DAW1: variants seen among roughly 807,000 people sequenced by gnomAD.
DAW1 encodes the protein dynein assembly factor with WD repeats 1, also known as dynein assembly factor with WD repeat domains 1.
A neutral mutation model predicts 56.5 loss-of-function variants in DAW1; 47 were observed. That is an observed-to-expected ratio of 0.83 (90% confidence interval 0.66 to 1.06). DAW1 has a LOEUF of 1.06. DAW1 is among the 50% of genes least tolerant of loss of function. DAW1 has a pLI of 0.00. For missense variants in DAW1, 505 were observed against 499.3 expected (o/e 1.01, Z -0.11); for synonymous variants, 190 against 179.0 (o/e 1.06, Z -0.49).
At chr2:227,900,030 A>G (rs972698709) in intron 6 of DAW1, among the ~76,000 whole-genome samples, 8 of 152,248 alleles carry the variant, frequency 5.3e-5, no homozygotes, top group African/African-American at 1.9e-4. Context: ...TGTTGAAGTT[A>G]CTTTGCTAGT....
chr2:227,896,770 G>A (rs1473122169), intron 5 of DAW1, among the ~76,000 whole-genome samples: 1 of 152,036 alleles, frequency 6.6e-6, no homozygotes, highest in Non-Finnish European at 1.5e-5. Flanking sequence ...ATAATGTGGT[G>A]TCATGTGGAT....
intron 1 of DAW1, among the ~76,000 whole-genome samples, chr2:227,879,291 A>T (rs908159227): frequency 6.6e-6 from 1 of 152,252 alleles, no homozygotes; most frequent in Admixed American, 6.5e-5. Context: ...TAAAACTTAC[A>T]TCTATTTTGT....
chr2:227,874,224 A>G (rs1450479719), intron 1 of DAW1, among the ~76,000 whole-genome samples: 1 of 152,196 alleles, frequency 6.6e-6, no homozygotes, highest in African/African-American at 2.4e-5. Context: ...CACCATATAC[A>G]ATAATAAAAA....
rs114577194 is a variant in DAW1 at position 227,893,651 on chromosome 2, G to A, written c.318-144G>A. ...CACGCCATTGCACTCCAGCCTGAGT[G>A]ACAGAGCGAGACTCCCTCTTAAACA... On this transcript the variant is annotated intron_variant, in intron 4 of 12. Transcript: ENST00000309931. The A allele has an allele frequency of 4.7e-3, 5,993 of 1,281,672 alleles. 22 individuals are homozygous for A. Among genetic ancestry groups the A allele is most frequent in the Non-Finnish European group, 5.7e-3 (5,550 of 971,734 alleles). 79.4% of individuals were successfully genotyped at this position (1,281,672 alleles called of 1,614,324 possible). A position where few individuals can be genotyped will look rare whatever the true frequency, so the allele number is the denominator to read the frequency against.
Position 227,918,797 on chromosome 2 carries a change from A to G in DAW1, c.991A>G (p.Ser331Gly), listed in dbSNP as rs1313522635. Residue 331 changes from serine (S) to glycine (G), a missense_variant, in exon 11 of 13, where the codon AGT (serine) becomes GGT (glycine). Ser to Gly is a moderately conservative substitution (Grantham distance 56). Coordinates refer to ENST00000309931, the MANE Select transcript of DAW1 (RefSeq NM_178821.3). Reference sequence around the variant, plus strand: ...TCAAAAAGGAACAGCAAGAATTTTCAGTGCTGCCACAAGAAAATGCATTGC... The same window carrying G: ...TCAAAAAGGAACAGCAAGAATTTTCGGTGCTGCCACAAGAAAATGCATTGC... Reference protein sequence around the residue: ...ASADGTARIFSAATRKCIAKL... With the variant: ...ASADGTARIFGAATRKCIAKL... The G allele has an allele frequency of 6.2e-7, 1 of 1,614,070 alleles. No individual in the cohort carries two copies. Among genetic ancestry groups the G allele is most frequent in the Admixed American group, 1.7e-5 (1 of 59,998 alleles).
intron 9 of DAW1, among the ~76,000 whole-genome samples, chr2:227,906,847 C>G (rs187778617): frequency 1.3e-5 from 2 of 152,314 alleles, no homozygotes; most frequent in East Asian, 1.9e-4. Flanking sequence ...TCTTCACCAA[C>G]CAGTAAAGCA....
intron 1 of DAW1, chr2:227,872,297 A>AGG: frequency 7.6e-6 from 1 of 131,492 alleles, no homozygotes; most frequent in African/African-American, 2.8e-5. Context: ...AAAAAAGAAA[A>AGG]AAAAGAAAAA....
intron 4 of DAW1, among the ~76,000 whole-genome samples, chr2:227,892,866 C>CTTTTTTTTT (rs1188473321): frequency 6.6e-6 from 1 of 152,140 alleles, no homozygotes; most frequent in Admixed American, 6.5e-5. Flanking sequence ...AAGTCTCTTT[C>CTTTTTTTTT]TTAATTGAAT....
At chr2:227,881,587 C>T (rs776301843) in intron 1 of DAW1, among the ~76,000 whole-genome samples, 5 of 152,106 alleles carry the variant, frequency 3.3e-5, no homozygotes, top group African/African-American at 1.2e-4. Flanking sequence ...TTCATTGAGA[C>T]TTTATGCCAG....
intron 5 of DAW1, among the ~76,000 whole-genome samples, chr2:227,895,154 T>A (rs991391611): frequency 6.6e-6 from 1 of 152,170 alleles, no homozygotes; most frequent in Non-Finnish European, 1.5e-5. Context: ...TTCTTTAAGT[T>A]CTCATTCCAC....
Position 227,913,928 on chromosome 2 carries a change from T to A in DAW1, c.974-4852T>A, listed in dbSNP as rs1367830974. ...CTGTCTGTCTGTCTGTCTATCTATC[T>A]TCATCATCATCATCATCATCATCTA... On this transcript the variant is annotated intron_variant, in intron 10 of 12. Coordinates refer to ENST00000309931, the MANE Select transcript of DAW1 (RefSeq NM_178821.3). 1.5e-3 allele frequency among the ~76,000 whole-genome samples: 216 copies of A among 147,674 alleles called. 2 individuals are homozygous for A. The highest frequency in any genetic ancestry group is 4.6e-3 in the African/African-American group (184 of 39,588).
In DAW1 at chr2:227,920,722, G is replaced by T. The variant is rs189411002; in HGVS notation, c.1051-677G>T. 5.9e-5 allele frequency among the ~76,000 whole-genome samples: 9 copies of T among 151,738 alleles called. No individual in the cohort carries two copies. The East Asian group carries it at 1.4e-3, about 23-fold the overall frequency. ...GATGGAGTCTTGCTCTGTTACCCAG[G>T]CTGGAGAGCAGTGGCATGATCTCAG... is the stretch of plus-strand genomic sequence containing the variant. On this transcript the variant is annotated intron_variant, in intron 11 of 12. Transcript: ENST00000309931.
chr2:227,898,443 C>T (rs1466571940), intron 6 of DAW1, among the ~76,000 whole-genome samples, 162 bp downstream of exon 6: 1 of 152,022 alleles, frequency 6.6e-6, no homozygotes, highest in Non-Finnish European at 1.5e-5. Flanking sequence ...GCCTCAGCCT[C>T]CCGAGTAGCT....
chr2:227,874,157 CTT>C (rs1299606780), intron 1 of DAW1, among the ~76,000 whole-genome samples: 2 of 152,124 alleles, frequency 1.3e-5, no homozygotes, highest in Admixed American at 1.3e-4. Context: ...GCTTTCATCT[CTT>C]TGTTGTGGAG....
chr2:227,884,831 G>T lies in DAW1; in HGVS notation c.41-520G>T, dbSNP rs530954160. Among the ~76,000 whole-genome samples, 85 of 152,276 alleles carry T rather than the reference G, an allele frequency of 5.6e-4. 1 individual carries two copies. The South Asian group carries it at 0.017, about 31-fold the overall frequency. ...CCACCAATGGCCTGGCTGTGGAGTG[G>T]GGTCTGGGAGGTCCCAGGACTTTGT... On this transcript the variant is annotated intron_variant, in intron 1 of 12. Transcript: ENST00000309931.
intron 5 of DAW1, 32 bp downstream of exon 5, chr2:227,893,949 A>G: frequency 2.0e-6 from 3 of 1,520,892 alleles, no homozygotes; most frequent in Non-Finnish European, 2.6e-6. Context: ...TTTGTTTATT[A>G]ATTCATTTAT....
chr2:227,885,493 G>T, intron 2 of DAW1, 70 bp downstream of exon 2: 1 of 1,184,322 alleles, frequency 8.4e-7, no homozygotes, highest in Non-Finnish European at 1.2e-6. Flanking sequence ...ATGTGTGGAT[G>T]AGCTGCATAA....
rs1690751709 is a variant in DAW1, at chr2:227,871,685, A to G, written c.-5A>G. 6.2e-6 allele frequency: 10 copies of G among 1,613,688 alleles called. No homozygotes were observed. In the East Asian group the frequency reaches 2.2e-4, roughly 36 times the overall value. ...CCCATCGGCCGGGGATAAGAGAGCA[A>G]GAAAATGAAGCTCAAGAGCCTCCTG... On this transcript the variant is annotated 5_prime_UTR_variant, in exon 1 of 13. Transcript: ENST00000309931.
At chr2:227,885,526 T>A in intron 2 of DAW1, 103 bp downstream of exon 2, 6 of 766,318 alleles carry the variant, frequency 7.8e-6, no homozygotes, top group South Asian at 3.0e-5. Context: ...ACATTATGTT[T>A]TAAAAATTGT....
Sources: allele counts gnomAD v4.1 joint callset (sites outside exome capture counted in the v4.1 genomes callset), GRCh38; gene constraint gnomAD v4.1.1; transcripts MANE v1.5; gene names NCBI Gene and HGNC (gene_info 2026-07-23, HGNC 2026-07-21).